Variants in MAGI2 observed in about 807,000 individuals in gnomAD.
The protein encoded by MAGI2 is membrane-associated guanylate kinase, WW and PDZ domain-containing protein 2.
MAGI2 carries 35 observed loss-of-function variants against 133.3 expected under a neutral mutation model. The ratio of observed to expected loss-of-function variants is 0.26; its 90% CI spans 0.20 to 0.35. The LOEUF is 0.35. Ranked by LOEUF, MAGI2 falls within the 10% of genes least tolerant of loss-of-function variation. MAGI2 has a pLI of 1.00. For missense variants in MAGI2, 1,636 were observed against 1,863.4 expected (o/e 0.88, Z 2.25); for synonymous variants, 729 against 710.6 (o/e 1.03, Z -0.41).
At position 78,108,679 on chromosome 7, in the gene MAGI2, T is replaced by C. The variant is rs558177633; in HGVS notation, c.3567+17015A>G. On this transcript the variant is annotated intron_variant, in intron 20 of 21. Coordinates refer to ENST00000354212, the MANE Select transcript of MAGI2 (RefSeq NM_012301.4). The stretch of plus-strand genomic sequence containing the variant: ...GTGTGTGTGTGTGTGTATACACACA[T>C]ATATGTGAGTGTATACACACACATA... Among the ~76,000 whole-genome samples, 365 of 151,026 alleles carry C rather than the reference T, an allele frequency of 2.4e-3. 1 individual carries two copies. Among genetic ancestry groups the C allele is most frequent in the African/African-American group, 7.8e-3 (323 of 41,186 alleles).
At chr7:79,286,331 C>G (rs1247528097) in intron 1 of MAGI2, among the ~76,000 whole-genome samples, 2 of 151,960 alleles carry the variant, frequency 1.3e-5, no homozygotes, top group Non-Finnish European at 2.9e-5. Context: ...GATAGTATCC[C>G]CATTTAACAG....
intron 10 of MAGI2, among the ~76,000 whole-genome samples, chr7:78,223,720 A>G (rs935021795): frequency 6.6e-6 from 1 of 152,156 alleles, no homozygotes; most frequent in African/African-American, 2.4e-5. Context: ...TATGGCCAAT[A>G]TTTTATACTG....
chr7:78,164,286 C>G (rs556430039), intron 15 of MAGI2, among the ~76,000 whole-genome samples: 1 of 152,318 alleles, frequency 6.6e-6, no homozygotes, highest in South Asian at 2.1e-4. Flanking sequence ...GGAAGGATGA[C>G]AGCATTGCAG....
In MAGI2 at chr7:78,484,999, G is replaced by A. The variant is rs2110628; in HGVS notation, c.1045+4762C>T. ...CTACTGGGTTTAATAACATTTCAAC[G>A]TTAAGAAAAGAATGGTCCTACAAGG... On this transcript the variant is annotated intron_variant, in intron 6 of 21. Transcript: ENST00000354212. 9.2e-5 allele frequency: 14 copies of A among 151,774 alleles called. 1 individual carries two copies. In the South Asian group the frequency reaches 2.3e-3, roughly 25 times the overall value. The allele number at this position is 151,774 out of a possible 1,614,324, so 9.4% of individuals were successfully genotyped here. A position where few individuals can be genotyped will look rare whatever the true frequency, so the allele number is the denominator to read the frequency against.
At chr7:78,679,003 T>G (rs2151090447) in intron 2 of MAGI2, among the ~76,000 whole-genome samples, 1 of 152,306 alleles carries the variant, frequency 6.6e-6, no homozygotes, top group Admixed American at 6.5e-5. Context: ...ATAAACTTTC[T>G]AAGTAATTTC....
At chr7:78,143,361 G>A (rs1311995573) in intron 16 of MAGI2, among the ~76,000 whole-genome samples, 1 of 152,106 alleles carries the variant, frequency 6.6e-6, no homozygotes, top group Non-Finnish European at 1.5e-5. Flanking sequence ...TTCCATCCCA[G>A]GCATGCAAAT....
At chr7:79,441,252 C>T (rs1848476222) in intron 1 of MAGI2, among the ~76,000 whole-genome samples, 1 of 152,146 alleles carries the variant, frequency 6.6e-6, no homozygotes, top group Non-Finnish European at 1.5e-5. Flanking sequence ...AAATACATTC[C>T]AGGTAGACAA....
chr7:79,238,437 T>C (rs1832100942), intron 1 of MAGI2, among the ~76,000 whole-genome samples: 1 of 152,196 alleles, frequency 6.6e-6, no homozygotes, highest in African/African-American at 2.4e-5. Context: ...TTGTATTTTC[T>C]TCCATCAAAG....
At chr7:79,380,757 C>T (rs1843718926) in intron 1 of MAGI2, among the ~76,000 whole-genome samples, 1 of 151,686 alleles carries the variant, frequency 6.6e-6, no homozygotes, top group African/African-American at 2.4e-5. Context: ...ACACAGGAAG[C>T]AGAACTCAGA....
intron 3 of MAGI2, among the ~76,000 whole-genome samples, chr7:78,604,600 C>A (rs1300975904): frequency 6.6e-6 from 1 of 152,148 alleles, no homozygotes; most frequent in African/African-American, 2.4e-5. Context: ...AGACATAAAT[C>A]CCTTATCAAG....
At chr7:79,432,798 G>C (rs1847863576) in intron 1 of MAGI2, among the ~76,000 whole-genome samples, 1 of 152,214 alleles carries the variant, frequency 6.6e-6, no homozygotes, top group Admixed American at 6.5e-5. Context: ...GATGATAAAG[G>C]TGGAGTGTCT....
chr7:78,735,943 G>T (rs1458439697), intron 2 of MAGI2, among the ~76,000 whole-genome samples: 1 of 152,154 alleles, frequency 6.6e-6, no homozygotes, highest in Non-Finnish European at 1.5e-5. Context: ...GGAGGAAATA[G>T]GTTCCTTATA....
intron 3 of MAGI2, among the ~76,000 whole-genome samples, chr7:78,556,111 G>T (rs2192655): frequency 6.6e-6 from 1 of 151,636 alleles, no homozygotes; most frequent in Non-Finnish European, 1.5e-5. Context: ...TTTCCAAAAA[G>T]TATATATATA....
chr7:79,020,316 G>A (rs1809176640), intron 1 of MAGI2, among the ~76,000 whole-genome samples: 1 of 152,124 alleles, frequency 6.6e-6, no homozygotes, highest in African/African-American at 2.4e-5. Context: ...AGCATTCAGT[G>A]TTATGTATTC....
intron 16 of MAGI2, among the ~76,000 whole-genome samples, chr7:78,156,436 A>G (rs1824393338): frequency 6.6e-6 from 1 of 152,232 alleles, no homozygotes; most frequent in South Asian, 2.1e-4. Context: ...CTACTCGACA[A>G]GAGTGAGCTG....
intron 6 of MAGI2, chr7:78,484,992 T>A (rs1359014931): frequency 6.6e-6 from 1 of 151,938 alleles, no homozygotes; most frequent in Non-Finnish European, 1.5e-5. Context: ...TTTAATAACA[T>A]TTCAACGTTA....
chr7:79,007,373 A>C (rs1807565027), intron 1 of MAGI2, among the ~76,000 whole-genome samples, 167 bp from the exon 2 acceptor site: 1 of 152,156 alleles, frequency 6.6e-6, no homozygotes, highest in African/African-American at 2.4e-5. Context: ...CAGAGATAAC[A>C]TTTACTGAGA....
At chr7:78,537,170 TACACACAC>T (rs3086437) in intron 3 of MAGI2, among the ~76,000 whole-genome samples, 9,693 of 146,268 alleles carry the variant, frequency 0.066, 385 homozygotes, top group Non-Finnish European at 0.097. Flanking sequence ...AGTATTCCAC[TACACACAC>T]ACACACACAC....
At chr7:79,341,826 T>C (rs371400942) in intron 1 of MAGI2, among the ~76,000 whole-genome samples, 6 of 152,184 alleles carry the variant, frequency 3.9e-5, no homozygotes, top group East Asian at 3.9e-4. Context: ...GCACTTCCAA[T>C]GTCTGTCTTA....
Sources: gnomAD v4.1 joint callset for allele counts (sites outside exome capture counted in the v4.1 genomes callset) on GRCh38, gnomAD v4.1.1 for gene constraint, MANE v1.5 for transcripts, NCBI Gene and HGNC (gene_info 2026-07-23, HGNC 2026-07-21) for gene names.